FGGY: variants seen among roughly 807,000 people sequenced by gnomAD.
FGGY encodes the protein FGGY carbohydrate kinase domain-containing protein.
A neutral mutation model predicts 71.3 loss-of-function variants in FGGY; 72 were observed. The ratio of observed to expected loss-of-function variants is 1.01; its 90% CI spans 0.84 to 1.23. FGGY has a LOEUF of 1.23. FGGY is among the 50% of genes most tolerant of loss of function. FGGY has a pLI of 0.00. For synonymous variants in FGGY, 251 were observed against 250.3 expected, an observed-to-expected ratio of 1.00 and a Z score of -0.02; for missense variants, 668 against 682.3, an observed-to-expected ratio of 0.98 and a Z score of 0.23.
intron 9 of FGGY, among the ~76,000 whole-genome samples, chr1:59,623,831 G>A (rs1301829189): frequency 2.0e-5 from 3 of 152,148 alleles, no homozygotes; most frequent in Non-Finnish European, 4.4e-5. Context: ...AGGCACATTA[G>A]GCATTTAGTA....
At chr1:59,479,622 A>T (rs2093397821) in intron 6 of FGGY, among the ~76,000 whole-genome samples, 1 of 152,154 alleles carries the variant, frequency 6.6e-6, no homozygotes, top group Admixed American at 6.5e-5. Flanking sequence ...TTTCTTTGTG[A>T]AGTAAAAAGT....
At chr1:59,693,992 GT>G (rs752985983) in intron 14 of FGGY, among the ~76,000 whole-genome samples, 3 of 151,538 alleles carry the variant, frequency 2.0e-5, no homozygotes, top group Non-Finnish European at 4.4e-5. Flanking sequence ...GGGCAACAGA[GT>G]GAGACCCTGT....
intron 13 of FGGY, among the ~76,000 whole-genome samples, chr1:59,667,804 G>A (rs2097338884): frequency 6.6e-6 from 1 of 152,226 alleles, no homozygotes; most frequent in Non-Finnish European, 1.5e-5. Flanking sequence ...GAGGAAGGGA[G>A]ACAGCAAACA....
intron 8 of FGGY, among the ~76,000 whole-genome samples, chr1:59,591,966 G>A: frequency 6.6e-6 from 1 of 152,142 alleles, no homozygotes; most frequent in Non-Finnish European, 1.5e-5. Context: ...AAGAGCTTCT[G>A]CACAGCAAAA....
At chr1:59,705,817 C>G (rs915303987) in intron 14 of FGGY, among the ~76,000 whole-genome samples, 1 of 152,192 alleles carries the variant, frequency 6.6e-6, no homozygotes, top group Non-Finnish European at 1.5e-5. Context: ...TTGCTTTTGC[C>G]TTTTCTGGTT....
intron 10 of FGGY, among the ~76,000 whole-genome samples, chr1:59,627,743 T>A (rs1408430239): frequency 6.6e-6 from 1 of 152,122 alleles, no homozygotes; most frequent in East Asian, 1.9e-4. Context: ...AGTAAAATTA[T>A]GGTGCCAGAA....
intron 15 of FGGY, among the ~76,000 whole-genome samples, chr1:59,762,178 C>A (rs938888494): frequency 9.2e-6 from 1 of 108,366 alleles, no homozygotes; most frequent in East Asian, 3.1e-4. Flanking sequence ...CAACCTCCGC[C>A]CCCCGGGTTC....
At chr1:59,612,589 T>C (rs2096699392) in intron 9 of FGGY, among the ~76,000 whole-genome samples, 1 of 152,146 alleles carries the variant, frequency 6.6e-6, no homozygotes, top group South Asian at 2.1e-4. Flanking sequence ...CTGCATCAAC[T>C]AACAGGCAAA....
At position 59,536,837 on chromosome 1, in the gene FGGY, G is replaced by T. The variant is rs537333216; in HGVS notation, c.800-17287G>T. On this transcript the variant is annotated intron_variant, in intron 7 of 15. Coordinates refer to ENST00000303721, the MANE Select transcript of FGGY (RefSeq NM_018291.5). Reference sequence around the variant, plus strand: ...ACTCTCAATAAATTAGATATTGATGGGACATATTTCAAAATAATAAGAGCT... The same window carrying T: ...ACTCTCAATAAATTAGATATTGATGTGACATATTTCAAAATAATAAGAGCT... Among the ~76,000 whole-genome samples, 156 of 152,132 alleles carry T rather than the reference G, an allele frequency of 1.0e-3. 2 individuals carry two copies. The highest frequency in any genetic ancestry group is 1.5e-3 in the Non-Finnish European group (102 of 68,010).
chr1:59,694,162 G>A (rs957459269), intron 14 of FGGY, among the ~76,000 whole-genome samples: 11 of 151,214 alleles, frequency 7.3e-5, no homozygotes, highest in Admixed American at 4.0e-4. Flanking sequence ...AGTGGCGGGC[G>A]CCTGTCGTCC....
chr1:59,567,495 A>G (rs2095893945), intron 8 of FGGY, among the ~76,000 whole-genome samples: 3 of 152,120 alleles, frequency 2.0e-5, no homozygotes, highest in African/African-American at 4.8e-5. Context: ...ATGAATGATC[A>G]GCTACCCAGG....
At chr1:59,677,715 A>G (rs1428049803) in intron 14 of FGGY, among the ~76,000 whole-genome samples, 1 of 152,150 alleles carries the variant, frequency 6.6e-6, no homozygotes, top group Non-Finnish European at 1.5e-5. Context: ...GGGAGACTGG[A>G]TGGAATATTC....
chr1:59,429,085 C>G (rs958459303), intron 5 of FGGY, among the ~76,000 whole-genome samples: 18 of 152,236 alleles, frequency 1.2e-4, no homozygotes, highest in Admixed American at 3.9e-4. Context: ...TGGCAGACAG[C>G]TTTCTTCACT....
At chr1:59,705,111 C>T (rs982951605) in intron 14 of FGGY, among the ~76,000 whole-genome samples, 1 of 152,106 alleles carries the variant, frequency 6.6e-6, no homozygotes, top group African/African-American at 2.4e-5. Context: ...GGTTGTTTGT[C>T]CTTTCCTCAT....
intron 7 of FGGY, among the ~76,000 whole-genome samples, chr1:59,549,286 T>TA (rs1402020839): frequency 6.6e-5 from 10 of 152,210 alleles, no homozygotes; most frequent in Non-Finnish European, 1.3e-4. Flanking sequence ...AGTCAGTTCA[T>TA]TCATCCAAAT....
chr1:59,740,246 A>G (rs950765532), intron 14 of FGGY, among the ~76,000 whole-genome samples: 5 of 152,210 alleles, frequency 3.3e-5, no homozygotes, highest in African/African-American at 1.2e-4. Flanking sequence ...GAATAAATAT[A>G]TCACTTCAGC....
rs62623594 is a variant in FGGY at position 59,554,181 on chromosome 1, C to T, written c.857C>T (p.Thr286Met). 0.056 allele frequency: 90,877 copies of T among 1,613,268 alleles called. 2,944 individuals are homozygous for T. Among genetic ancestry groups the T allele is most frequent in the Non-Finnish European group, 0.066 (78,040 of 1,179,362 alleles). Residue 286 changes from threonine (T) to methionine (M), a missense_variant, in exon 8 of 16, where the codon ACG (threonine) becomes ATG (methionine). Around this residue, in one of 2 missense-constraint regions of FGGY, gnomAD observed 661 missense variants for 661.6 expected, o/e 1.00. Transcript: ENST00000303721. Reference sequence around the variant, plus strand: ...CTCATCTGTGAGGGGCAGCCAGTGACGTCACGGCTGGCTGTCATCTGTGGA... The same window carrying T: ...CTCATCTGTGAGGGGCAGCCAGTGATGTCACGGCTGGCTGTCATCTGTGGA... The part of the protein sequence containing the change: ...HGLICEGQPV[T>M]SRLAVICGTS...
chr1:59,592,601 AG>A (rs1399595539), intron 8 of FGGY, among the ~76,000 whole-genome samples: 2 of 152,310 alleles, frequency 1.3e-5, no homozygotes, highest in Non-Finnish European at 2.9e-5. Context: ...AATACTATAC[AG>A]CCATGAAAAT....
chr1:59,411,567 G>GT (rs1033556183), intron 5 of FGGY, among the ~76,000 whole-genome samples: 63 of 152,046 alleles, frequency 4.1e-4, no homozygotes, highest in African/African-American at 1.5e-3. Context: ...TATTCCTGTG[G>GT]TTTTTCCATA....
Sources: gnomAD v4.1 joint callset for allele counts (sites outside exome capture counted in the v4.1 genomes callset) on GRCh38, gnomAD v4.1.1 for gene constraint, gnomAD v4.1.1 regional missense constraint, MANE v1.5 for transcripts, NCBI Gene and HGNC (gene_info 2026-07-23, HGNC 2026-07-21) for gene names.